SH3PXD2B: variants seen among roughly 807,000 people sequenced by gnomAD.
The protein encoded by SH3PXD2B is SH3 and PX domains 2B, also known as SH3 and PX domain-containing protein 2B.
Under a neutral mutation model 73.1 loss-of-function variants are expected in SH3PXD2B, and 37 were observed. That is an observed-to-expected ratio of 0.51 (90% CI 0.39 to 0.67). The LOEUF is 0.67. Among genes scored for constraint, SH3PXD2B ranks in the 30% least tolerant of loss-of-function variants. The pLI, the probability that SH3PXD2B is intolerant of heterozygous loss-of-function variation, is 0.00. For missense variants in SH3PXD2B, 1,053 were observed against 1,197.8 expected (o/e 0.88, Z 1.78); for synonymous variants, 457 against 480.5 (o/e 0.95, Z 0.64).
chr5:172,418,757 T>A (rs1210244134), intron 2 of SH3PXD2B, among the ~76,000 whole-genome samples: 1 of 152,148 alleles, frequency 6.6e-6, no homozygotes, highest in Non-Finnish European at 1.5e-5. Flanking sequence ...TGAGCCTGGA[T>A]GAAGTCCTGC....
At chr5:172,438,283 C>T (rs1177248943) in intron 1 of SH3PXD2B, among the ~76,000 whole-genome samples, 1 of 152,170 alleles carries the variant, frequency 6.6e-6, no homozygotes, top group East Asian at 1.9e-4. Context: ...TCTCTGAGTT[C>T]CCACAGGGCT....
chr5:172,374,361 G>A (rs1037072072), intron 5 of SH3PXD2B, among the ~76,000 whole-genome samples: 1 of 152,180 alleles, frequency 6.6e-6, no homozygotes, highest in East Asian at 1.9e-4. Context: ...GTCCCTTACC[G>A]TCGTCACCCG....
chr5:172,352,986 T>C (rs1403346838), intron 9 of SH3PXD2B, among the ~76,000 whole-genome samples: 1 of 152,150 alleles, frequency 6.6e-6, no homozygotes, highest in Non-Finnish European at 1.5e-5. Context: ...CTCTTCTGTG[T>C]ACCAAAGTCC....
intron 5 of SH3PXD2B, among the ~76,000 whole-genome samples, chr5:172,381,746 T>G (rs768930924): frequency 3.9e-5 from 6 of 152,174 alleles, no homozygotes; most frequent in Non-Finnish European, 8.8e-5. Context: ...GCTCAGCCCC[T>G]GCCTCACGGG....
At chr5:172,347,895 T>C (rs1342206994) in intron 10 of SH3PXD2B, among the ~76,000 whole-genome samples, 1 of 152,140 alleles carries the variant, frequency 6.6e-6, no homozygotes, top group East Asian at 1.9e-4. Context: ...CCAAACACAC[T>C]TGGGCCGATG....
At chr5:172,441,027 C>T (rs566946501) in intron 1 of SH3PXD2B, among the ~76,000 whole-genome samples, 3 of 152,286 alleles carry the variant, frequency 2.0e-5, no homozygotes, top group Admixed American at 2.0e-4. Flanking sequence ...CCAAATCAAT[C>T]CTAAAACATT....
intron 1 of SH3PXD2B, among the ~76,000 whole-genome samples, chr5:172,442,431 T>C (rs1759569429): frequency 1.3e-5 from 2 of 152,344 alleles, no homozygotes; most frequent in African/African-American, 2.4e-5. Context: ...GACAAACCAC[T>C]TTTAAAGATG....
In SH3PXD2B at chr5:172,350,425, A is replaced by C; in HGVS notation, c.950T>G (p.Leu317Arg). 2 of 1,614,022 alleles carry C rather than the reference A, an allele frequency of 1.2e-6. No individual in the cohort carries two copies. The highest frequency in any genetic ancestry group is 1.7e-6 in the Non-Finnish European group (2 of 1,180,012). The change falls in exon 10 of 13, where the codon CTC becomes CGC. Residue 317 changes from leucine to arginine, a missense_variant. Leu to Arg is a moderately radical substitution (Grantham distance 102). Around this residue, in one of 2 missense-constraint regions of SH3PXD2B, gnomAD observed 466 missense variants for 607.1 expected, o/e 0.77. Coordinates refer to ENST00000311601, the MANE Select transcript of SH3PXD2B (RefSeq NM_001017995.3). ...AAACCGCCCGTCCCTCTGGCTGCTG[A>C]GCAGCTCCTTCTCCCTGCCCACCGC... Reference protein sequence around the residue: ...QNAVGREKELLSSQRDGRFEG... With the variant: ...QNAVGREKELRSSQRDGRFEG...
At chr5:172,423,767 C>G (rs145605912) in intron 1 of SH3PXD2B, among the ~76,000 whole-genome samples, 50 of 152,164 alleles carry the variant, frequency 3.3e-4, no homozygotes, top group Non-Finnish European at 6.2e-4. Flanking sequence ...TTTAGCCTCC[C>G]GAGTAGCTAG....
chr5:172,347,292 G>A lies in SH3PXD2B; in HGVS notation c.1053C>T (p.Asp351=). Residue 351 remains aspartate (D), a synonymous_variant, in exon 11 of 13, where the codon GAC becomes GAT. Coordinates refer to ENST00000311601, the MANE Select transcript of SH3PXD2B (RefSeq NM_001017995.3). ...KMRQRPPPRR[D]MTIPRGLNLP... Reference sequence around the variant, plus strand: ...GCGAGGATCCACTTACAATGGTCATGTCCCGGCGAGGAGGGGGTCTCTGCC... The same window carrying A: ...GCGAGGATCCACTTACAATGGTCATATCCCGGCGAGGAGGGGGTCTCTGCC... 1 of 1,614,172 alleles carries A rather than the reference G, an allele frequency of 6.2e-7. No individual in the cohort carries two copies. Among genetic ancestry groups the A allele is most frequent in the South Asian group, 1.1e-5 (1 of 91,078 alleles).
intron 3 of SH3PXD2B, among the ~76,000 whole-genome samples, chr5:172,404,610 G>T (rs548850555): frequency 6.6e-6 from 1 of 152,164 alleles, no homozygotes; most frequent in East Asian, 1.9e-4. Flanking sequence ...GGATCTAAAG[G>T]GCCCGTCCAG....
intron 12 of SH3PXD2B, among the ~76,000 whole-genome samples, chr5:172,327,848 A>G (rs1756475408): frequency 6.8e-6 from 1 of 147,964 alleles, no homozygotes; most frequent in Non-Finnish European, 1.5e-5. Context: ...TCTGCCTCCC[A>G]GGTTCAAGCA....
intron 5 of SH3PXD2B, among the ~76,000 whole-genome samples, chr5:172,381,605 T>C (rs1757947730): frequency 6.6e-6 from 1 of 152,106 alleles, no homozygotes; most frequent in Non-Finnish European, 1.5e-5. Context: ...CTGGTCAGGA[T>C]GAAATCCCGG....
chr5:172,452,350 G>C (rs1759815480), intron 1 of SH3PXD2B, among the ~76,000 whole-genome samples: 1 of 152,220 alleles, frequency 6.6e-6, no homozygotes, highest in African/African-American at 2.4e-5. Flanking sequence ...GGATGGAGCT[G>C]ACACAGCAGA....
At chr5:172,325,698 A>G (rs1756434484) in intron 12 of SH3PXD2B, among the ~76,000 whole-genome samples, 1 of 152,226 alleles carries the variant, frequency 6.6e-6, no homozygotes, top group Admixed American at 6.5e-5. Flanking sequence ...TACGAGGGCA[A>G]CTAATTCCAT....
rs1354697917 is a variant in SH3PXD2B, at chr5:172,421,004, T to A, written c.156+1412A>T. Among the ~76,000 whole-genome samples the A allele has an allele frequency of 1.3e-5, 2 of 152,122 alleles. No homozygotes were observed. Among genetic ancestry groups the A allele is most frequent in the Admixed American group, 1.3e-4 (2 of 15,276 alleles). ...GTTCAGTTACATCCGCGAAAAAACC[T>A]CCTGTTTACTTCAGCCAGCTTCAGT... On this transcript the variant is annotated intron_variant, in intron 2 of 12. Transcript: ENST00000311601. This position sits in a 1 kb window ranked among gnomAD's most constrained non-coding sequence, Gnocchi z 4.0.
Position 172,334,879 on chromosome 5 carries a change from A to C in SH3PXD2B, c.*3490T>G. 8.1e-6 allele frequency: 8 copies of C among 985,450 alleles called. No homozygotes were observed. The highest frequency in any genetic ancestry group is 9.6e-6 in the Non-Finnish European group (8 of 829,928). 61.0% of individuals were successfully genotyped at this position (985,450 alleles called of 1,614,324 possible). ...TGGTAATGAAATCCTCAGTGGGCGC[A>C]AACATTTTAGGGCCAAGAACATTGA... is the stretch of plus-strand genomic sequence containing the variant. On this transcript the variant is annotated 3_prime_UTR_variant, in exon 13 of 13. Coordinates refer to ENST00000311601, the MANE Select transcript of SH3PXD2B (RefSeq NM_001017995.3).
At position 172,336,646 on chromosome 5, in the gene SH3PXD2B, T is replaced by G. The variant is rs1756700273; in HGVS notation, c.*1723A>C. 2 of 975,518 alleles carry G rather than the reference T, an allele frequency of 2.1e-6. No homozygotes were observed. The highest frequency in any genetic ancestry group is 2.4e-6 in the Non-Finnish European group (2 of 827,640). 60.4% of individuals were successfully genotyped at this position (975,518 alleles called of 1,614,324 possible). A position where few individuals can be genotyped will look rare whatever the true frequency, so the allele number is the denominator to read the frequency against. On this transcript the variant is annotated 3_prime_UTR_variant, in exon 13 of 13. Coordinates refer to ENST00000311601, the MANE Select transcript of SH3PXD2B (RefSeq NM_001017995.3). ...AACTGGCTTTGTGGGTCCAAAAGTA[T>G]CTCGCCTGATGAACACTGTGAACTG...
At chr5:172,400,934 AAG>A (rs994074387) in intron 3 of SH3PXD2B, among the ~76,000 whole-genome samples, 3 of 152,218 alleles carry the variant, frequency 2.0e-5, no homozygotes, top group Admixed American at 2.0e-4. Flanking sequence ...AAATTCTAAA[AAG>A]ATCTAAGAGA....
Sources: gnomAD v4.1 joint callset for allele counts (sites outside exome capture counted in the v4.1 genomes callset) on GRCh38, gnomAD v4.1.1 for gene constraint, gnomAD v4.1.1 regional missense constraint, Gnocchi (gnomAD v3.1) non-coding constraint, MANE v1.5 for transcripts, NCBI Gene and HGNC (gene_info 2026-07-23, HGNC 2026-07-21) for gene names.